Variants in SPTLC1 observed in about 807,000 individuals in gnomAD.
The protein encoded by SPTLC1 is serine palmitoyltransferase long chain base subunit 1.
A neutral mutation model predicts 68.9 loss-of-function variants in SPTLC1; 55 were observed. That is an observed-to-expected ratio of 0.80 (90% CI 0.64 to 1.00). The LOEUF is 1.00. Ranked by LOEUF, SPTLC1 falls within the 50% of genes least tolerant of loss-of-function variation. SPTLC1 has a pLI of 0.00. For synonymous variants in SPTLC1, 197 were observed against 201.6 expected (o/e 0.98, Z 0.19); for missense variants, 449 against 573.1 (o/e 0.78, Z 2.21).
intron 9 of SPTLC1, among the ~76,000 whole-genome samples, chr9:92,048,820 T>C (rs1833606520): frequency 6.6e-6 from 1 of 152,206 alleles, no homozygotes. Flanking sequence ...CTCACCAAAT[T>C]TTCTTTTAAC....
At chr9:92,036,822 A>G (rs1336559343) in intron 13 of SPTLC1, among the ~76,000 whole-genome samples, 1 of 152,246 alleles carries the variant, frequency 6.6e-6, no homozygotes, top group East Asian at 1.9e-4. Context: ...GTCTGTATTT[A>G]AGGAACGTTA....
intron 3 of SPTLC1, among the ~76,000 whole-genome samples, chr9:92,088,214 C>A (rs1355577406): frequency 6.6e-6 from 1 of 152,258 alleles, no homozygotes; most frequent in Admixed American, 6.5e-5. Flanking sequence ...AAGGCAATGC[C>A]TCACCCTGCT....
intron 6 of SPTLC1, among the ~76,000 whole-genome samples, chr9:92,061,930 A>G (rs1027620369): frequency 1.3e-5 from 2 of 152,218 alleles, no homozygotes; most frequent in Non-Finnish European, 2.9e-5. Context: ...AAGTAGAGTG[A>G]ACAAACAAGA....
chr9:92,073,384 C>T lies in SPTLC1; in HGVS notation c.428-5286G>A, dbSNP rs561272480. On this transcript the variant is annotated intron_variant, in intron 5 of 14. Transcript: ENST00000262554. ...TCCAAGGCCAGGCACTAGGGCAGTA[C>T]CCGTGAAGGCCCCAAAGGACCTACC... Among the ~76,000 whole-genome samples, 16 of 152,342 alleles carry T rather than the reference C, an allele frequency of 1.1e-4. No individual in the cohort carries two copies. The East Asian group carries it at 2.7e-3, about 26-fold the overall frequency.
At chr9:92,078,218 A>C (rs577941832) in intron 5 of SPTLC1, among the ~76,000 whole-genome samples, 22 of 152,304 alleles carry the variant, frequency 1.4e-4, no homozygotes, top group Admixed American at 1.4e-3. Context: ...ACCTACCTAC[A>C]AAAACAATTC....
intron 12 of SPTLC1, among the ~76,000 whole-genome samples, chr9:92,044,278 TGAAA>T (rs1833439547): frequency 6.6e-6 from 1 of 152,132 alleles, no homozygotes; most frequent in African/African-American, 2.4e-5. Context: ...AGCAAGGTGT[TGAAA>T]GAAAGCCTTC....
At chr9:92,046,441 C>T (rs941812657) in intron 11 of SPTLC1, 1 of 191,008 alleles carries the variant, frequency 5.2e-6, no homozygotes, top group African/African-American at 2.4e-5. Flanking sequence ...TTGATATTTT[C>T]CTTTTTTATT....
In SPTLC1 at chr9:92,114,750, A is replaced by AT. The variant is rs528064206; in HGVS notation, c.57+563_57+564insA. Among the ~76,000 whole-genome samples, 1,137 of 151,660 alleles carry AT rather than the reference A, an allele frequency of 7.5e-3. 13 individuals carry two copies. Among genetic ancestry groups the AT allele is most frequent in the African/African-American group, 0.026 (1,060 of 41,328 alleles). ...AACACCGTCTCAAAAAAAAAAAACA[A>AT]AAATAAATAAATAAAAATCGACTAA... On this transcript the variant is annotated intron_variant, in intron 1 of 14. Transcript: ENST00000262554.
intron 5 of SPTLC1, among the ~76,000 whole-genome samples, chr9:92,076,114 T>C (rs1254333507): frequency 6.6e-6 from 1 of 152,204 alleles, no homozygotes; most frequent in Non-Finnish European, 1.5e-5. Flanking sequence ...CCCTAACTCT[T>C]GGCAAAGGAC....
intron 8 of SPTLC1, 164 bp downstream of exon 8, chr9:92,055,241 C>T: frequency 6.8e-7 from 1 of 1,480,408 alleles, no homozygotes. Flanking sequence ...AAGGCCAGCA[C>T]TGGCATTCAG....
intron 3 of SPTLC1, among the ~76,000 whole-genome samples, chr9:92,098,594 TAAC>T (rs1342103338): frequency 2.6e-5 from 4 of 151,940 alleles, no homozygotes; most frequent in African/African-American, 2.4e-5. Flanking sequence ...GAAGGGATGT[TAAC>T]AATCACCAGA....
intron 4 of SPTLC1, 103 bp from the exon 5 acceptor site, chr9:92,080,191 A>G: frequency 1.1e-6 from 1 of 875,338 alleles, no homozygotes; most frequent in Non-Finnish European, 1.8e-6. Flanking sequence ...TTCCTCCTCC[A>G]ACTCTAACAG....
intron 6 of SPTLC1, among the ~76,000 whole-genome samples, chr9:92,063,700 A>G (rs1379528632): frequency 3.9e-5 from 6 of 152,178 alleles, no homozygotes; most frequent in Non-Finnish European, 7.4e-5. Flanking sequence ...GGCTGGTTCA[A>G]TATTTGAAAA....
intron 6 of SPTLC1, among the ~76,000 whole-genome samples, chr9:92,067,620 G>A (rs1834339835): frequency 6.6e-6 from 1 of 152,218 alleles, no homozygotes; most frequent in Non-Finnish European, 1.5e-5. Context: ...GTGAATGGGT[G>A]ATGAGACATG....
At chr9:92,079,593 T>C in intron 5 of SPTLC1, 1 of 1,588,712 alleles carries the variant, frequency 6.3e-7, no homozygotes, top group Non-Finnish European at 8.6e-7. Flanking sequence ...CTACACTGTT[T>C]ATCCCCCCTC....
chr9:92,105,196 G>T, intron 3 of SPTLC1: 2 of 1,534,112 alleles, frequency 1.3e-6, no homozygotes, highest in Non-Finnish European at 1.7e-6. Context: ...GGCCACCGCT[G>T]CAGCTGCAAC....
intron 14 of SPTLC1, among the ~76,000 whole-genome samples, chr9:92,033,858 C>G (rs1833053737): frequency 6.6e-6 from 1 of 152,186 alleles, no homozygotes; most frequent in African/African-American, 2.4e-5. Flanking sequence ...AAAGGGCAGG[C>G]TCCTTAAGGT....
intron 14 of SPTLC1, among the ~76,000 whole-genome samples, chr9:92,033,530 T>C (rs1017597528): frequency 1.3e-5 from 2 of 152,186 alleles, no homozygotes; most frequent in African/African-American, 4.8e-5. Context: ...ACGGTCTTAC[T>C]AACAAGTAAA....
At chr9:92,089,672 G>C (rs571180019) in intron 3 of SPTLC1, among the ~76,000 whole-genome samples, 27 of 152,296 alleles carry the variant, frequency 1.8e-4, no homozygotes, top group South Asian at 4.1e-4. Flanking sequence ...GAGGAAAAAA[G>C]TGAGAGACAA....
Sources: gnomAD v4.1 joint callset for allele counts (sites outside exome capture counted in the v4.1 genomes callset) on GRCh38, gnomAD v4.1.1 for gene constraint, MANE v1.5 for transcripts, NCBI Gene and HGNC (gene_info 2026-07-23, HGNC 2026-07-21) for gene names.